Variants in SLC38A2 observed in about 807,000 individuals in gnomAD.
The protein encoded by SLC38A2 is sodium-coupled neutral amino acid symporter 2.
Under a neutral mutation model 61.5 loss-of-function variants are expected in SLC38A2, and 11 were observed. That is an observed-to-expected ratio of 0.18 (90% CI 0.11 to 0.30). The LOEUF (loss-of-function observed/expected upper bound fraction) is 0.30. Among genes scored for constraint, SLC38A2 ranks in the 10% least tolerant of loss-of-function variants. SLC38A2 has a pLI of 1.00. For missense variants in SLC38A2, 522 were observed against 600.4 expected (o/e 0.87, Z 1.36); for synonymous variants, 217 against 212.5 (o/e 1.02, Z -0.18).
Position 46,360,800 on chromosome 12 carries a change from T to C in SLC38A2, c.*311A>G. 3.5e-6 allele frequency: 1 copy of C among 284,298 alleles called. No homozygotes were observed. The highest frequency in any genetic ancestry group is 6.5e-6 in the Non-Finnish European group (1 of 153,390). 17.6% of individuals were successfully genotyped at this position (284,298 alleles called of 1,614,324 possible). On this transcript the variant is annotated 3_prime_UTR_variant, in exon 16 of 16. Transcript: ENST00000256689. Reference sequence around the variant, plus strand: ...ATCATAAAATATCCAAGTTAAACAATGACACAGCCAAGCATGTGGCTTGAT... The same window carrying C: ...ATCATAAAATATCCAAGTTAAACAACGACACAGCCAAGCATGTGGCTTGAT...
At chr12:46,368,413 T>C (rs1943161218) in intron 4 of SLC38A2, among the ~76,000 whole-genome samples, 4 of 152,124 alleles carry the variant, frequency 2.6e-5, no homozygotes, top group South Asian at 2.1e-4. Context: ...TAAGGTAACA[T>C]AGAGTGACTA....
chr12:46,371,445 C>A (rs10880961), intron 1 of SLC38A2, 66 bp from the exon 2 acceptor site: 3 of 631,152 alleles, frequency 4.8e-6, no homozygotes, highest in African/African-American at 3.8e-5. Context: ...TGACGCCGCC[C>A]GGAGGCGCAG....
rs756554217 is a variant in SLC38A2, at chr12:46,370,644, C to A, written c.199-17G>T. The A allele has an allele frequency of 1.3e-6, 2 of 1,591,768 alleles. No individual in the cohort carries two copies. Among genetic ancestry groups the A allele is most frequent in the South Asian group, 2.2e-5 (2 of 90,486 alleles). ...ACCTGGATGCTACATAGAGGGAAAA[C>A]GATAACCAAACATATAACAATAATT... On this transcript the variant is annotated splice_polypyrimidine_tract_variant and intron_variant, in intron 3 of 15. Transcript: ENST00000256689.
rs1401175781 is a variant in SLC38A2 at position 46,371,358 on chromosome 12, G to T, written c.-65C>A. On this transcript the variant is annotated 5_prime_UTR_variant, in exon 2 of 16. Coordinates refer to ENST00000256689, the MANE Select transcript of SLC38A2 (RefSeq NM_018976.5). ...GGGCTCCTTTTGTCCTTGGCGGTGG[G>T]TGCAGCGGCCCGCGAGTCGGCCTGC... The T allele has an allele frequency of 7.5e-7, 1 of 1,332,324 alleles. No homozygotes were observed. The highest frequency in any genetic ancestry group is 1.1e-6 in the Non-Finnish European group (1 of 935,548). The allele number at this position is 1,332,324 out of a possible 1,614,324, so 82.5% of individuals were successfully genotyped here. A position where few individuals can be genotyped will look rare whatever the true frequency, so the allele number is the denominator to read the frequency against.
chr12:46,362,856 G>A, intron 13 of SLC38A2, 165 bp downstream of exon 13: 1 of 1,002,204 alleles, frequency 1.0e-6, no homozygotes, highest in Non-Finnish European at 1.4e-6. Flanking sequence ...TGTCCCCAGG[G>A]TATTTTGAAA....
intron 3 of SLC38A2, 51 bp downstream of exon 3, chr12:46,370,725 T>G: frequency 6.5e-7 from 1 of 1,544,234 alleles, no homozygotes; most frequent in Non-Finnish European, 8.9e-7. Context: ...AGTAAAACTA[T>G]TCTTTTACTC....
In SLC38A2 at chr12:46,362,324, A is replaced by C. The variant is rs770356792; in HGVS notation, c.1382T>G (p.Leu461Trp). 1 of 1,612,332 alleles carries C rather than the reference A, an allele frequency of 6.2e-7. No individual in the cohort carries two copies. Among genetic ancestry groups the C allele is most frequent in the South Asian group, 1.1e-5 (1 of 90,810 alleles). Reference protein sequence around the residue: ...FILPSAFYIKLVKKEPMKSVQ... With the variant: ...FILPSAFYIKWVKKEPMKSVQ... ...AGATTTCATAGGTTCTTTCTTCACCAACTTGATATAGAAGGCAGAAGGAAG... is the reference window on the plus strand; with the variant it reads ...AGATTTCATAGGTTCTTTCTTCACCCACTTGATATAGAAGGCAGAAGGAAG... The change falls in exon 15 of 16, where the codon TTG (leucine) becomes TGG (tryptophan). Residue 461 changes from leucine to tryptophan, a missense_variant. This residue lies in a region of SLC38A2 where 309 missense variants were observed against 343.9 expected (regional missense o/e 0.90). Transcript: ENST00000256689.
intron 15 of SLC38A2, among the ~76,000 whole-genome samples, chr12:46,361,672 T>G (rs1032487645): frequency 2.0e-5 from 3 of 152,142 alleles, no homozygotes; most frequent in Non-Finnish European, 2.9e-5. Flanking sequence ...CAGTTGTTGG[T>G]TTATAAACAA....
At chr12:46,362,179 T>G in intron 15 of SLC38A2, 105 bp downstream of exon 15, 1 of 945,192 alleles carries the variant, frequency 1.1e-6, no homozygotes, top group South Asian at 2.0e-5. Context: ...GCTGGAAACT[T>G]AAAAGTGAAA....
Position 46,370,583 on chromosome 12 carries a change from G to C in SLC38A2, c.243C>G (p.Ser81Arg). 6.2e-7 allele frequency: 1 copy of C among 1,614,106 alleles called. No homozygotes were observed. The highest frequency in any genetic ancestry group is 8.5e-7 in the Non-Finnish European group (1 of 1,179,986). ...TSFGMSVFNL[S>R]NAIVGSGILG... ...GGATTCCACTGCCCACAATCGCATT[G>C]CTCAGATTAAATACTGACATTCCAA... Residue 81 changes from serine to arginine, a missense_variant, in exon 4 of 16, where the codon AGC becomes AGG. Physicochemically the swap from Ser to Arg is moderately radical, Grantham distance 110. Coordinates refer to ENST00000256689, the MANE Select transcript of SLC38A2 (RefSeq NM_018976.5).
At chr12:46,372,456 AC>A in intron 1 of SLC38A2, 52 bp downstream of exon 1, 1 of 304,242 alleles carries the variant, frequency 3.3e-6, no homozygotes, top group Non-Finnish European at 5.8e-6. Context: ...CCCCTCCCCC[AC>A]TCTCGCCCGG....
chr12:46,366,463 C>A (rs1164538901), intron 7 of SLC38A2, among the ~76,000 whole-genome samples: 5 of 152,072 alleles, frequency 3.3e-5, no homozygotes, highest in African/African-American at 4.8e-5. Flanking sequence ...GGATGTCCAG[C>A]CTGTATTTTG....
chr12:46,371,909 T>C (rs1189594186), intron 1 of SLC38A2, among the ~76,000 whole-genome samples: 1 of 152,096 alleles, frequency 6.6e-6, no homozygotes, highest in Non-Finnish European at 1.5e-5. Context: ...ACTACTCCTC[T>C]CTCGAGGGGG....
At chr12:46,367,673 C>T (rs1943153124) in intron 4 of SLC38A2, among the ~76,000 whole-genome samples, 1 of 152,182 alleles carries the variant, frequency 6.6e-6, no homozygotes, top group Non-Finnish European at 1.5e-5. Context: ...TCTGGCACCA[C>T]AATAATGAGC....
chr12:46,370,895 T>C (rs775626671), intron 2 of SLC38A2, 38 bp from the exon 3 acceptor site: 7 of 1,468,630 alleles, frequency 4.8e-6, no homozygotes, highest in South Asian at 1.2e-5. Flanking sequence ...GTAAACTGGA[T>C]TGAAATATCT....
rs574374328 is a variant in SLC38A2 at position 46,364,094 on chromosome 12, G to A, written c.874-91C>T. On this transcript the variant is annotated intron_variant, in intron 10 of 15. Transcript: ENST00000256689. ...CATATATTTTATGTAAACAATCTTAGAATCAAAGCCTAAGTTTCCTTTGTG... is the reference window on the plus strand; with the variant it reads ...CATATATTTTATGTAAACAATCTTAAAATCAAAGCCTAAGTTTCCTTTGTG... 1.2e-5 allele frequency: 14 copies of A among 1,158,938 alleles called. No homozygotes were observed. In the South Asian group the frequency reaches 1.9e-4, roughly 16 times the overall value. The allele number at this position is 1,158,938 out of a possible 1,614,324, so 71.8% of individuals were successfully genotyped here. A position where few individuals can be genotyped will look rare whatever the true frequency, so the allele number is the denominator to read the frequency against.
rs765648856 is a variant in SLC38A2, at chr12:46,367,143, T to A, written c.414A>T (p.Gly138=). Residue 138 remains glycine (G), a synonymous_variant, in exon 6 of 16, where the codon GGA becomes GGT. Coordinates refer to ENST00000256689, the MANE Select transcript of SLC38A2 (RefSeq NM_018976.5). The stretch of plus-strand genomic sequence containing the variant: ...TTCCAACTAATCCAAATGCCTTATA[T>A]CCCAATTGTTCATATAATAAAGACC... ...EGGSLLYEQL[G]YKAFGLVGKL... 2 of 1,613,812 alleles carry A rather than the reference T, an allele frequency of 1.2e-6. No homozygotes were observed. Among genetic ancestry groups the A allele is most frequent in the Non-Finnish European group, 1.7e-6 (2 of 1,179,848 alleles).
intron 15 of SLC38A2, chr12:46,361,709 G>A (rs934248105): frequency 6.4e-6 from 1 of 156,964 alleles, no homozygotes; most frequent in African/African-American, 2.4e-5. Context: ...AGAGCAGAAT[G>A]AAGGAGAAAA....
Position 46,361,107 on chromosome 12 carries a change from C to A in SLC38A2, c.*4G>T. 1 of 1,611,580 alleles carries A rather than the reference C, an allele frequency of 6.2e-7. No homozygotes were observed. Among genetic ancestry groups the A allele is most frequent in the Non-Finnish European group, 8.5e-7 (1 of 1,178,478 alleles). On this transcript the variant is annotated 3_prime_UTR_variant, in exon 16 of 16. Transcript: ENST00000256689. ...GGACTGAGTTTGAGTTTGAGTGGTG[C>A]CAATTAATGGCCACCTCCAGGTGCA...
Sources: gnomAD v4.1 joint callset for allele counts (sites outside exome capture counted in the v4.1 genomes callset) on GRCh38, gnomAD v4.1.1 for gene constraint, gnomAD v4.1.1 regional missense constraint, MANE v1.5 for transcripts, NCBI Gene and HGNC (gene_info 2026-07-23, HGNC 2026-07-21) for gene names.